The following MAGI3 variants were observed in gnomAD, a reference collection of about 807,000 sequenced individuals.
MAGI3 encodes the protein membrane associated guanylate kinase, WW and PDZ domain containing 3, also known as membrane-associated guanylate kinase, WW and PDZ domain-containing protein 3.
A neutral mutation model predicts 121.8 loss-of-function variants in MAGI3; 43 were observed. The ratio of observed to expected loss-of-function variants is 0.35; its 90% confidence interval spans 0.28 to 0.46. The LOEUF (loss-of-function observed/expected upper bound fraction) is 0.46. MAGI3 is among the 20% of genes least tolerant of loss of function. The probability of loss-of-function intolerance (pLI) is 1.00; values close to 1 mark genes in which losing one functional copy is unlikely to be tolerated. For synonymous variants in MAGI3, 553 were observed against 639.3 expected (o/e 0.86, Z 2.04); for missense variants, 1,547 against 1,797.3 (o/e 0.86, Z 2.52).
intron 1 of MAGI3, among the ~76,000 whole-genome samples, chr1:113,411,109 C>A (rs149223681): frequency 6.6e-6 from 1 of 152,004 alleles, no homozygotes; most frequent in Non-Finnish European, 1.5e-5. Flanking sequence ...GTGAGTAAAA[C>A]AAAACCAAAA....
At chr1:113,497,246 C>T (rs1207501853) in intron 1 of MAGI3, among the ~76,000 whole-genome samples, 4 of 105,230 alleles carry the variant, frequency 3.8e-5, no homozygotes, top group African/African-American at 1.2e-4. Flanking sequence ...CGGTCTACAG[C>T]TCCCAGCGTG....
At chr1:113,477,586 T>C (rs945172423) in intron 1 of MAGI3, among the ~76,000 whole-genome samples, 1 of 152,220 alleles carries the variant, frequency 6.6e-6, no homozygotes, top group African/African-American at 2.4e-5. Context: ...GGGTTTCTGC[T>C]GAGAGATCTG....
chr1:113,595,763 C>G (rs555004775), intron 6 of MAGI3, among the ~76,000 whole-genome samples: 2 of 152,272 alleles, frequency 1.3e-5, no homozygotes, highest in African/African-American at 4.8e-5. Context: ...TGACAAGAGG[C>G]TGGGCATGAT....
chr1:113,603,352 CCAACAACAA>C (rs58889419), intron 6 of MAGI3, among the ~76,000 whole-genome samples: 23 of 150,736 alleles, frequency 1.5e-4, no homozygotes, highest in Admixed American at 5.3e-4. Context: ...TTAAAAATTG[CCAACAACAA>C]CAACAACAAC....
intron 1 of MAGI3, among the ~76,000 whole-genome samples, chr1:113,463,907 G>T (rs985276587): frequency 6.6e-6 from 1 of 151,960 alleles, no homozygotes; most frequent in Non-Finnish European, 1.5e-5. Flanking sequence ...TAGTTTAGGG[G>T]TACATGTGAA....
chr1:113,442,660 A>G (rs1557759640), intron 1 of MAGI3, among the ~76,000 whole-genome samples: 1 of 151,916 alleles, frequency 6.6e-6, no homozygotes, highest in Non-Finnish European at 1.5e-5. Context: ...CAGTGAGTTT[A>G]TATATGTATT....
Position 113,673,386 on chromosome 1 carries a change from G to C in MAGI3, c.3110G>C (p.Gly1037Ala), listed in dbSNP as rs751100512. 9 of 1,612,236 alleles carry C rather than the reference G, an allele frequency of 5.6e-6. No homozygotes were observed. The highest frequency in any genetic ancestry group is 4.0e-5 in the African/African-American group (3 of 74,814). ...CGGGGCTTTGGATTCAGCCTCCGAG[G>C]GGGGAAGGAGTACAACATGGGGCTG... ...GPRGFGFSLR[G>A]GKEYNMGLFI... is the part of the protein sequence containing the mutation. The change falls in exon 19 of 21, where the codon GGG becomes GCG. Residue 1037 changes from glycine (G) to alanine (A), a missense_variant. By Grantham distance (60) the Gly-to-Ala change is moderately conservative. Coordinates refer to ENST00000307546, the MANE Select transcript of MAGI3 (RefSeq NM_001142782.2).
At chr1:113,634,878 T>C (rs1353599060) in intron 9 of MAGI3, among the ~76,000 whole-genome samples, 1 of 152,204 alleles carries the variant, frequency 6.6e-6, no homozygotes, top group Non-Finnish European at 1.5e-5. Flanking sequence ...TGGAATGTTC[T>C]TCCATTTCTT....
intron 1 of MAGI3, among the ~76,000 whole-genome samples, chr1:113,413,433 A>C (rs1354530829): frequency 2.0e-5 from 3 of 152,204 alleles, no homozygotes; most frequent in Non-Finnish European, 4.4e-5. Context: ...TGGTAGCTTC[A>C]TGGGGATGGC....
intron 9 of MAGI3, among the ~76,000 whole-genome samples, chr1:113,626,432 T>C (rs751631597): frequency 2.6e-5 from 4 of 152,214 alleles, no homozygotes; most frequent in Non-Finnish European, 5.9e-5. Flanking sequence ...TTCTTTTTTT[T>C]GATATGTCTT....
chr1:113,683,073 G>C lies in MAGI3; in HGVS notation c.3505G>C (p.Glu1169Gln), dbSNP rs765225020. The change falls in exon 21 of 21, where the codon GAA (glutamate) becomes CAA (glutamine). Residue 1169 changes from glutamate (E) to glutamine (Q), a missense_variant. By Grantham distance (29) the Glu-to-Gln change is conservative. Transcript: ENST00000307546. ...KAEELKDIVP[E>Q]KKSTLNENQP... Reference sequence around the variant, plus strand: ...AGAAGAATTAAAGGACATTGTGCCTGAAAAGAAAAGCACTTTAAATGAAAA... The same window carrying C: ...AGAAGAATTAAAGGACATTGTGCCTCAAAAGAAAAGCACTTTAAATGAAAA... The C allele has an allele frequency of 6.2e-6, 10 of 1,612,856 alleles. No individual in the cohort carries two copies. Among genetic ancestry groups the C allele is most frequent in the African/African-American group, 2.7e-5 (2 of 74,826 alleles).
chr1:113,671,751 T>C lies in MAGI3; in HGVS notation c.2833T>C (p.Ser945Pro), dbSNP rs1647564928. The C allele has an allele frequency of 6.2e-7, 1 of 1,614,236 alleles. No individual in the cohort carries two copies. The highest frequency in any genetic ancestry group is 8.5e-7 in the Non-Finnish European group (1 of 1,180,036). The change falls in exon 17 of 21, where the codon TCA (serine) becomes CCA (proline). Residue 945 changes from serine (S) to proline (P), a missense_variant. Transcript: ENST00000307546. ...TTGAACAGAGCATCATGGTCCACCA[T>C]CAGGAACAAACTCAGCCAGGCAAAG... ...IAEEEHHGPP[S>P]GTNSARQSPA...
chr1:113,514,884 T>C (rs1444810061), intron 1 of MAGI3, among the ~76,000 whole-genome samples: 1 of 152,102 alleles, frequency 6.6e-6, no homozygotes, highest in East Asian at 1.9e-4. Flanking sequence ...GAAAGAATAA[T>C]ATTACAGTGT....
At chr1:113,590,449 C>T in intron 4 of MAGI3, 35 bp from the exon 5 acceptor site, 3 of 1,601,970 alleles carry the variant, frequency 1.9e-6, no homozygotes, top group Non-Finnish European at 1.7e-6. Context: ...TAACTTTACC[C>T]ACTTTTCACA....
At position 113,644,428 on chromosome 1, in the gene MAGI3, A is replaced by C. The variant is rs564968348; in HGVS notation, c.1998+654A>C. 2.8e-3 allele frequency among the ~76,000 whole-genome samples: 429 copies of C among 152,104 alleles called. 2 individuals carry two copies. The highest frequency in any genetic ancestry group is 9.0e-3 in the African/African-American group (374 of 41,516). ...CCCAAGTAGCTGGGACTACAGGTGC[A>C]CGCCACCACACCCAGCTAATTTTTT... On this transcript the variant is annotated intron_variant, in intron 11 of 20. Coordinates refer to ENST00000307546, the MANE Select transcript of MAGI3 (RefSeq NM_001142782.2).
intron 1 of MAGI3, among the ~76,000 whole-genome samples, chr1:113,490,892 T>C (rs1207160726): frequency 1.3e-5 from 2 of 152,110 alleles, no homozygotes; most frequent in Non-Finnish European, 2.9e-5. Context: ...TAAAGCAAGT[T>C]CTTAGAGACC....
intron 1 of MAGI3, among the ~76,000 whole-genome samples, chr1:113,471,656 G>C (rs1322189998): frequency 6.6e-6 from 1 of 152,028 alleles, no homozygotes; most frequent in Non-Finnish European, 1.5e-5. Flanking sequence ...TCATTATCAA[G>C]TATTATTTAC....
At chr1:113,412,368 A>T (rs1159470154) in intron 1 of MAGI3, among the ~76,000 whole-genome samples, 1 of 152,132 alleles carries the variant, frequency 6.6e-6, no homozygotes, top group Non-Finnish European at 1.5e-5. Context: ...CATGATTTAT[A>T]ATCCTTTGGG....
At chr1:113,460,173 C>G (rs557890974) in intron 1 of MAGI3, among the ~76,000 whole-genome samples, 9 of 152,310 alleles carry the variant, frequency 5.9e-5, no homozygotes, top group African/African-American at 1.2e-4. Flanking sequence ...CCAAAAACTA[C>G]ATGATTATCT....
Sources: gnomAD v4.1 joint callset for allele counts (sites outside exome capture counted in the v4.1 genomes callset) on GRCh38, gnomAD v4.1.1 for gene constraint, MANE v1.5 for transcripts, NCBI Gene and HGNC (gene_info 2026-07-23, HGNC 2026-07-21) for gene names.